Variants in DAB2IP observed in about 807,000 individuals in gnomAD.
DAB2IP encodes disabled homolog 2-interacting protein.
Under a neutral mutation model 107.2 loss-of-function variants are expected in DAB2IP, and 28 were observed. The ratio of observed to expected loss-of-function variants is 0.26; its 90% CI spans 0.19 to 0.36. DAB2IP has a LOEUF of 0.36. Ranked by LOEUF, DAB2IP falls within the 10% of genes least tolerant of loss-of-function variation. The pLI, the probability that DAB2IP is intolerant of heterozygous loss-of-function variation, is 1.00. For synonymous variants in DAB2IP, 755 were observed against 706.4 expected (o/e 1.07, Z -1.09); for missense variants, 1,400 against 1,644.7 (o/e 0.85, Z 2.57).
Position 121,759,882 on chromosome 9 carries a change from C to A in DAB2IP, c.616-3C>A. 2 of 1,610,598 alleles carry A rather than the reference C, an allele frequency of 1.2e-6. No individual in the cohort carries two copies. Among genetic ancestry groups the A allele is most frequent in the Non-Finnish European group, 1.7e-6 (2 of 1,177,750 alleles). On this transcript the variant is annotated splice_polypyrimidine_tract_variant and splice_region_variant and intron_variant, in intron 5 of 15. Coordinates refer to ENST00000408936, the Ensembl canonical transcript of DAB2IP. ...ACCACCCTGGACCCCCGTGCACATA[C>A]AGGACAACAGCCGGCGTGTGGAGCA...
chr9:121,593,673 C>CTTTTTTTTT (rs71370677), intron 1 of DAB2IP, among the ~76,000 whole-genome samples: 1 of 110,930 alleles, frequency 9.0e-6, no homozygotes, highest in Admixed American at 9.4e-5. Flanking sequence ...CTTTTTTTTT[C>CTTTTTTTTT]TTTTTTTTTT....
At chr9:121,582,810 C>T (rs972403471) in intron 1 of DAB2IP, among the ~76,000 whole-genome samples, 1 of 152,256 alleles carries the variant, frequency 6.6e-6, no homozygotes, top group African/African-American at 2.4e-5. Context: ...CAAACTCCTA[C>T]TCACATGCTA....
chr9:121,568,508 A>AG (rs1829859171), intron 1 of DAB2IP, among the ~76,000 whole-genome samples: 1 of 152,110 alleles, frequency 6.6e-6, no homozygotes, highest in African/African-American at 2.4e-5. Context: ...GGGAGGAGAG[A>AG]GGGAAAAAAA....
At chr9:121,734,546 C>T (rs1474350432) in intron 3 of DAB2IP, among the ~76,000 whole-genome samples, 1 of 152,222 alleles carries the variant, frequency 6.6e-6, no homozygotes, top group Non-Finnish European at 1.5e-5. Flanking sequence ...CAGATGCAGG[C>T]TCATTTCTTG....
At chr9:121,597,510 C>G (rs1308729953) in intron 1 of DAB2IP, among the ~76,000 whole-genome samples, 1 of 152,164 alleles carries the variant, frequency 6.6e-6, no homozygotes, top group Non-Finnish European at 1.5e-5. Context: ...TGTGATTGTA[C>G]ATTTTGGGGT....
chr9:121,726,670 G>T (rs1194915404), intron 3 of DAB2IP, among the ~76,000 whole-genome samples: 1 of 152,114 alleles, frequency 6.6e-6, no homozygotes, highest in Non-Finnish European at 1.5e-5. Flanking sequence ...CCAACTAATC[G>T]CCTGCTTGGT....
At chr9:121,651,156 A>G (rs1373996594), upstream of DAB2IP, among the ~76,000 whole-genome samples, 1 of 152,212 alleles carries the variant, frequency 6.6e-6, no homozygotes, top group Admixed American at 6.5e-5. This position sits in a 1 kb window ranked among gnomAD's most constrained non-coding sequence, Gnocchi z 5.1. Flanking sequence ...ATCAGACGGG[A>G]CAACCTTTAA....
intron 1 of DAB2IP, among the ~76,000 whole-genome samples, chr9:121,587,331 G>A (rs1830330615): frequency 6.6e-6 from 1 of 152,202 alleles, no homozygotes; most frequent in Non-Finnish European, 1.5e-5. Flanking sequence ...TTGAGGCCAG[G>A]TGCAGTGGCT....
In DAB2IP at chr9:121,707,424, A is replaced by G. The variant is rs554499987; in HGVS notation, c.362+7966A>G. On this transcript the variant is annotated intron_variant, in intron 3 of 15. Coordinates refer to ENST00000408936, the Ensembl canonical transcript of DAB2IP. ...GCCGAGTGAGTTACTCCTTAGCACA[A>G]TGAGATCCCACCTCCACTTTTCAGT... Among the ~76,000 whole-genome samples the G allele has an allele frequency of 1.8e-4, 28 of 152,280 alleles. 1 individual carries two copies. The East Asian group carries it at 5.2e-3, about 28-fold the overall frequency.
intron 1 of DAB2IP, among the ~76,000 whole-genome samples, chr9:121,596,268 T>C (rs1474868225): frequency 6.6e-6 from 1 of 151,848 alleles, no homozygotes; most frequent in Admixed American, 6.6e-5. Flanking sequence ...GAGACAGAGG[T>C]TGCGGTGAAC....
intron 1 of DAB2IP, among the ~76,000 whole-genome samples, chr9:121,667,906 A>T (rs902465071): frequency 6.6e-6 from 1 of 152,226 alleles, no homozygotes; most frequent in Non-Finnish European, 1.5e-5. Flanking sequence ...TTACGGTTCC[A>T]TGTGGCTGGG....
In DAB2IP at chr9:121,772,691, C is replaced by G; in HGVS notation, c.2163C>G (p.Pro721=). 6.2e-7 allele frequency: 1 copy of G among 1,614,066 alleles called. No individual in the cohort carries two copies. The highest frequency in any genetic ancestry group is 8.5e-7 in the Non-Finnish European group (1 of 1,180,016). Residue 721 remains proline (P), a synonymous_variant, in exon 12 of 16, where the codon CCC becomes CCG. Transcript: ENST00000408936. The surrounding 1 kb of genome is among the most constrained non-coding windows in gnomAD (Gnocchi z 4.7). Reference sequence around the variant, plus strand: ...TCACAAGGTCCTCCGGGGTCCAGCCCTCACCTGCCCGCAGCTCGAGTTACT... The same window carrying G: ...TCACAAGGTCCTCCGGGGTCCAGCCGTCACCTGCCCGCAGCTCGAGTTACT...
chr9:121,777,531 A>T (rs965594175), intron 14 of DAB2IP, among the ~76,000 whole-genome samples: 8 of 152,198 alleles, frequency 5.3e-5, no homozygotes, highest in African/African-American at 1.9e-4. Context: ...ATTCTCTGAT[A>T]TTTGCATGTT....
At chr9:121,741,938 A>G (rs1008265871) in intron 3 of DAB2IP, among the ~76,000 whole-genome samples, 3 of 151,994 alleles carry the variant, frequency 2.0e-5, no homozygotes, top group African/African-American at 4.8e-5. Context: ...CACACAGGTT[A>G]CAAGTGGCAG....
chr9:121,701,178 C>T lies in DAB2IP; in HGVS notation c.362+1720C>T, dbSNP rs115340169. Reference sequence around the variant, plus strand: ...GGAGCAGGAGAGACAACAGGCAGTCCGGCTTCTGAGTGTGTCTGCTCTCCC... The same window carrying T: ...GGAGCAGGAGAGACAACAGGCAGTCTGGCTTCTGAGTGTGTCTGCTCTCCC... On this transcript the variant is annotated intron_variant, in intron 3 of 15. Transcript: ENST00000408936. This position sits in a 1 kb window ranked among gnomAD's most constrained non-coding sequence, Gnocchi z 4.7. Among the ~76,000 whole-genome samples, 1,003 of 152,304 alleles carry T rather than the reference C, an allele frequency of 6.6e-3. 8 individuals carry two copies. Among genetic ancestry groups the T allele is most frequent in the African/African-American group, 0.023 (965 of 41,576 alleles).
Position 121,701,060 on chromosome 9 carries a change from C to T in DAB2IP, c.362+1602C>T, listed in dbSNP as rs540639636. ...TCTTCCCCAGGAACATGCCCTTCTC[C>T]GCGCTTTCCTTGGCGGGGGTCAGGA... On this transcript the variant is annotated intron_variant, in intron 3 of 15. Coordinates refer to ENST00000408936, the Ensembl canonical transcript of DAB2IP. This position sits in a 1 kb window ranked among gnomAD's most constrained non-coding sequence, Gnocchi z 4.7. Among the ~76,000 whole-genome samples, 1 of 152,242 alleles carries T rather than the reference C, an allele frequency of 6.6e-6. No individual in the cohort carries two copies. The highest frequency in any genetic ancestry group is 1.9e-4 in the East Asian group (1 of 5,194).
At position 121,634,375 on chromosome 9, in the gene DAB2IP, T is replaced by C. The variant is rs1186780161; in HGVS notation, c.41-44303T>C. On this transcript the variant is annotated intron_variant, in intron 1 of 16. Coordinates refer to the DAB2IP transcript ENST00000259371. The surrounding 1 kb of genome is among the most constrained non-coding windows in gnomAD (Gnocchi z 4.7). ...AGTTCTGACATTTCACAAGCCTTTG[T>C]TTTTTTCTGAATCTGCTCAAAGTCC... is the stretch of plus-strand genomic sequence containing the variant. Among the ~76,000 whole-genome samples the C allele has an allele frequency of 6.6e-6, 1 of 152,190 alleles. No individual in the cohort carries two copies. The highest frequency in any genetic ancestry group is 1.9e-4 in the East Asian group (1 of 5,202).
rs992452951 is a variant in DAB2IP at position 121,753,777 on chromosome 9, G to C, written c.363-3236G>C. On this transcript the variant is annotated intron_variant, in intron 3 of 15. Transcript: ENST00000408936. ...CTACAGGCATCCCTTCCTGGGAGTGGAATGGGAGTGAGGTAGAGACCAGTG... is the reference window on the plus strand; with the variant it reads ...CTACAGGCATCCCTTCCTGGGAGTGCAATGGGAGTGAGGTAGAGACCAGTG... 3.3e-5 allele frequency among the ~76,000 whole-genome samples: 5 copies of C among 152,230 alleles called. No individual in the cohort carries two copies. In the East Asian group the frequency reaches 9.6e-4, roughly 29 times the overall value.
At chr9:121,586,523 T>C (rs535903296) in intron 1 of DAB2IP, among the ~76,000 whole-genome samples, 7 of 152,050 alleles carry the variant, frequency 4.6e-5, no homozygotes, top group Non-Finnish European at 8.8e-5. Context: ...TTGTCCCCTG[T>C]CTACAGGGGA....
Sources: gnomAD v4.1 joint callset for allele counts (sites outside exome capture counted in the v4.1 genomes callset) on GRCh38, gnomAD v4.1.1 for gene constraint, Gnocchi (gnomAD v3.1) non-coding constraint, MANE v1.5 for transcripts, NCBI Gene and HGNC (gene_info 2026-07-23, HGNC 2026-07-21) for gene names.